PARM1: variants seen among roughly 807,000 people sequenced by gnomAD.
PARM1 encodes the protein prostate androgen-regulated mucin-like protein 1.
Under a neutral mutation model 24.6 loss-of-function variants are expected in PARM1, and 14 were observed. The ratio of observed to expected loss-of-function variants is 0.57; its 90% CI spans 0.38 to 0.89. PARM1 has a LOEUF of 0.89. PARM1 is among the 40% of genes least tolerant of loss of function. PARM1 has a pLI of 0.00. For synonymous variants in PARM1, 179 were observed against 156.6 expected (o/e 1.14, Z -1.07); for missense variants, 362 against 380.4 (o/e 0.95, Z 0.40).
intron 1 of PARM1, among the ~76,000 whole-genome samples, chr4:74,948,805 G>A (rs1721454678): frequency 6.6e-6 from 1 of 152,048 alleles, no homozygotes. Context: ...GGTGGATCAC[G>A]AGGTCAGAAG....
At chr4:75,024,023 G>A (rs1723134819) in intron 2 of PARM1, among the ~76,000 whole-genome samples, 1 of 152,178 alleles carries the variant, frequency 6.6e-6, no homozygotes, top group South Asian at 2.1e-4. Context: ...TGTAATCCCA[G>A]CACTTTGGGA....
chr4:74,997,139 T>A (rs539529359), intron 1 of PARM1, among the ~76,000 whole-genome samples: 2 of 152,264 alleles, frequency 1.3e-5, no homozygotes, highest in South Asian at 4.1e-4. Flanking sequence ...TAAGTGCCTT[T>A]AGGGTGAGAT....
chr4:75,039,229 T>C lies in PARM1; in HGVS notation c.848+5268T>C, dbSNP rs1350199136. ...ATGTGCATAAGAATCAATGGAAGAG[T>C]TTATTAAAAACACAGTTTCCGGCCG... On this transcript the variant is annotated intron_variant, in intron 3 of 3. Coordinates refer to ENST00000307428, the MANE Select transcript of PARM1 (RefSeq NM_015393.4). Among the ~76,000 whole-genome samples the C allele has an allele frequency of 5.3e-5, 8 of 151,898 alleles. No individual in the cohort carries two copies. In the South Asian group the frequency reaches 1.7e-3, roughly 32 times the overall value.
chr4:75,011,414 C>T (rs1313278172), intron 1 of PARM1, among the ~76,000 whole-genome samples: 1 of 151,900 alleles, frequency 6.6e-6, no homozygotes, highest in Non-Finnish European at 1.5e-5. Context: ...AACTGCGCAA[C>T]CGGGTGAATG....
intron 1 of PARM1, among the ~76,000 whole-genome samples, chr4:75,011,106 AGGACAGCATCAAACCATGAG>A (rs1722861369): frequency 6.6e-6 from 1 of 152,158 alleles, no homozygotes; most frequent in South Asian, 2.1e-4. Context: ...CACTACCATG[AGGACAGCATCAAACCATGAG>A]GGATCAGTCC....
chr4:75,046,256 T>C lies in PARM1; in HGVS notation c.*9T>C. ...TGTACGATGACTCCTAACAATGGAA[T>C]ATGGCCTGGGATGAGGATTAACTGT... is the stretch of plus-strand genomic sequence containing the variant. On this transcript the variant is annotated 3_prime_UTR_variant, in exon 4 of 4. Coordinates refer to ENST00000307428, the MANE Select transcript of PARM1 (RefSeq NM_015393.4). The C allele has an allele frequency of 1.3e-6, 2 of 1,559,672 alleles. No individual in the cohort carries two copies. Among genetic ancestry groups the C allele is most frequent in the Non-Finnish European group, 1.8e-6 (2 of 1,130,374 alleles).
chr4:74,933,490 C>T, intron 1 of PARM1, 120 bp downstream of exon 1: 1 of 817,546 alleles, frequency 1.2e-6, no homozygotes, highest in Non-Finnish European at 2.1e-6. Flanking sequence ...CGGGTGAGTG[C>T]GCAGGTGTGT....
intron 1 of PARM1, among the ~76,000 whole-genome samples, chr4:74,953,785 A>ACCG (rs747360985): frequency 9.2e-5 from 14 of 152,206 alleles, no homozygotes; most frequent in Non-Finnish European, 1.9e-4. Flanking sequence ...CCCCACCACC[A>ACCG]CCGACATCTG....
At chr4:74,995,516 C>T (rs1278389183) in intron 1 of PARM1, among the ~76,000 whole-genome samples, 1 of 152,084 alleles carries the variant, frequency 6.6e-6, no homozygotes, top group African/African-American at 2.4e-5. Context: ...TTTGAGAAAA[C>T]TGAGACACAA....
intron 1 of PARM1, among the ~76,000 whole-genome samples, chr4:75,009,104 C>G (rs1722823859): frequency 1.3e-5 from 2 of 152,080 alleles, no homozygotes; most frequent in South Asian, 4.2e-4. Context: ...GTTGACAGTT[C>G]ACAGCTGCCA....
At chr4:74,995,000 G>A (rs1411494627) in intron 1 of PARM1, among the ~76,000 whole-genome samples, 2 of 151,974 alleles carry the variant, frequency 1.3e-5, no homozygotes, top group South Asian at 2.1e-4. Flanking sequence ...ATAAATGTAA[G>A]TGCATGCATC....
Position 75,046,148 on chromosome 4 carries a change from C to G in PARM1, c.849-15C>G, listed in dbSNP as rs1448415188. ...TTTTCCAAGTAATCACAACCCTCTT[C>G]TGTTTCTCCACCAGGCATTCCTCCT... On this transcript the variant is annotated splice_polypyrimidine_tract_variant and intron_variant, in intron 3 of 3. Coordinates refer to ENST00000307428, the MANE Select transcript of PARM1 (RefSeq NM_015393.4). 6.3e-7 allele frequency: 1 copy of G among 1,590,452 alleles called. No homozygotes were observed. The highest frequency in any genetic ancestry group is 2.2e-5 in the East Asian group (1 of 44,772).
At chr4:74,998,393 A>T (rs1465928361) in intron 1 of PARM1, among the ~76,000 whole-genome samples, 3 of 152,206 alleles carry the variant, frequency 2.0e-5, no homozygotes, top group African/African-American at 7.2e-5. Context: ...TAGGCAAATT[A>T]AAAGTCTAAA....
chr4:75,044,071 G>C (rs1436772255), intron 3 of PARM1, among the ~76,000 whole-genome samples: 2 of 149,874 alleles, frequency 1.3e-5, no homozygotes, highest in Non-Finnish European at 3.0e-5. Flanking sequence ...TTGTCTTTTT[G>C]CAAATACCTG....
At chr4:74,984,590 C>T (rs897071023) in intron 1 of PARM1, among the ~76,000 whole-genome samples, 8 of 152,068 alleles carry the variant, frequency 5.3e-5, no homozygotes, top group South Asian at 2.1e-4. Context: ...CATTTTCGAA[C>T]GTTATTTGGA....
At chr4:74,939,835 C>T (rs1052108178) in intron 1 of PARM1, among the ~76,000 whole-genome samples, 1 of 152,084 alleles carries the variant, frequency 6.6e-6, no homozygotes, top group East Asian at 1.9e-4. Context: ...AGATAAATTA[C>T]CAGGTGTGAT....
intron 1 of PARM1, among the ~76,000 whole-genome samples, chr4:74,934,702 G>A (rs1721139493): frequency 6.6e-6 from 1 of 152,172 alleles, no homozygotes; most frequent in African/African-American, 2.4e-5. Context: ...AATAGGCAGC[G>A]GAGCTCCCGG....
At chr4:75,044,368 C>A (rs1270138347) in intron 3 of PARM1, among the ~76,000 whole-genome samples, 1 of 152,128 alleles carries the variant, frequency 6.6e-6, no homozygotes, top group African/African-American at 2.4e-5. Context: ...CTTAAAATGA[C>A]CATATTCCTT....
At chr4:75,018,886 C>G (rs1723037201) in intron 2 of PARM1, among the ~76,000 whole-genome samples, 1 of 152,184 alleles carries the variant, frequency 6.6e-6, no homozygotes, top group Non-Finnish European at 1.5e-5. Flanking sequence ...CCAAGTGTTC[C>G]TTTCACAATG....
Sources: allele counts gnomAD v4.1 joint callset (sites outside exome capture counted in the v4.1 genomes callset), GRCh38; gene constraint gnomAD v4.1.1; transcripts MANE v1.5; gene names NCBI Gene and HGNC (gene_info 2026-07-23, HGNC 2026-07-21).